Variants in MAD1L1 observed in about 807,000 individuals in gnomAD.
The protein encoded by MAD1L1 is mitotic arrest deficient 1 like 1, also known as mitotic spindle assembly checkpoint protein MAD1.
MAD1L1 carries 95 observed loss-of-function variants against 96.9 expected under a neutral mutation model. The observed-to-expected ratio is 0.98, with a 90% CI of 0.83 to 1.16. The LOEUF is 1.16. Among genes scored for constraint, MAD1L1 ranks in the 50% most tolerant of loss-of-function variants. The pLI, the probability that MAD1L1 is intolerant of heterozygous loss-of-function variation, is 0.00. For synonymous variants in MAD1L1, 473 were observed against 396.6 expected (o/e 1.19, Z -2.29); for missense variants, 1,007 against 954.4 (o/e 1.06, Z -0.73).
At chr7:2,149,120 T>TC in intron 11 of MAD1L1, 32 bp downstream of exon 11, 1 of 1,606,734 alleles carries the variant, frequency 6.2e-7, no homozygotes, top group Non-Finnish European at 8.5e-7. Context: ...AGCAAACGCA[T>TC]CCCCACAAGC....
At chr7:2,075,442 T>C (rs978537291) in intron 11 of MAD1L1, among the ~76,000 whole-genome samples, 1 of 152,180 alleles carries the variant, frequency 6.6e-6, no homozygotes, top group Non-Finnish European at 1.5e-5. Context: ...AATCCCGGCC[T>C]TTCTTCTGAG....
At chr7:2,003,342 T>C (rs938793377) in intron 13 of MAD1L1, among the ~76,000 whole-genome samples, 1 of 151,972 alleles carries the variant, frequency 6.6e-6, no homozygotes, top group African/African-American at 2.4e-5. Flanking sequence ...GGGGGAAGTA[T>C]GTTTGGAGAC....
intron 18 of MAD1L1, among the ~76,000 whole-genome samples, chr7:1,831,980 C>A (rs967172405): frequency 2.0e-5 from 3 of 152,224 alleles, no homozygotes. Context: ...AGCATCCATC[C>A]TGTGGCCCCT....
intron 18 of MAD1L1, among the ~76,000 whole-genome samples, chr7:1,888,282 G>T (rs1347009462): frequency 1.4e-5 from 2 of 139,106 alleles, no homozygotes; most frequent in Non-Finnish European, 3.3e-5. Flanking sequence ...GCCTGTGCAT[G>T]TGTGTGCATG....
intron 10 of MAD1L1, among the ~76,000 whole-genome samples, chr7:2,183,400 T>C (rs1199456418): frequency 6.6e-6 from 1 of 152,056 alleles, no homozygotes; most frequent in Non-Finnish European, 1.5e-5. Flanking sequence ...AGCAAACCAA[T>C]ACAATTTCCC....
chr7:2,101,209 C>A (rs1056836547), intron 11 of MAD1L1, among the ~76,000 whole-genome samples: 1 of 152,248 alleles, frequency 6.6e-6, no homozygotes, highest in Non-Finnish European at 1.5e-5. Flanking sequence ...AAAGAGGATG[C>A]GGGCTTTTGT....
chr7:2,231,889 C>T (rs1190404707), intron 1 of MAD1L1, among the ~76,000 whole-genome samples: 1 of 151,924 alleles, frequency 6.6e-6, no homozygotes, highest in Non-Finnish European at 1.5e-5. Context: ...GGCCAATATC[C>T]CTCAAGTCTT....
intron 14 of MAD1L1, among the ~76,000 whole-genome samples, chr7:1,993,021 T>C (rs1355504042): frequency 6.6e-6 from 1 of 152,224 alleles, no homozygotes; most frequent in Non-Finnish European, 1.5e-5. Context: ...TATACAGAAT[T>C]ACTCCCATAA....
At chr7:2,055,406 C>T (rs1453148064) in intron 12 of MAD1L1, among the ~76,000 whole-genome samples, 1 of 152,058 alleles carries the variant, frequency 6.6e-6, no homozygotes, top group Non-Finnish European at 1.5e-5. Context: ...AGAACTGGCC[C>T]GGAGCAGCAC....
intron 12 of MAD1L1, among the ~76,000 whole-genome samples, chr7:2,065,768 A>G (rs1784851391): frequency 6.6e-6 from 1 of 152,094 alleles, no homozygotes; most frequent in African/African-American, 2.4e-5. Flanking sequence ...GCTCCCCCCA[A>G]GCCTGGGGCC....
intron 18 of MAD1L1, among the ~76,000 whole-genome samples, chr7:1,830,998 C>G (rs1352557655): frequency 2.0e-5 from 3 of 152,288 alleles, no homozygotes. Flanking sequence ...TTTTAAGAAG[C>G]ACATTTTAAC....
chr7:1,859,131 C>G (rs563710418), intron 18 of MAD1L1, among the ~76,000 whole-genome samples: 1 of 152,066 alleles, frequency 6.6e-6, no homozygotes, highest in Non-Finnish European at 1.5e-5. Flanking sequence ...CAACCCCACA[C>G]GCAGGAGGGC....
intron 10 of MAD1L1, among the ~76,000 whole-genome samples, chr7:2,181,141 T>C (rs1383354566): frequency 6.6e-6 from 1 of 152,252 alleles, no homozygotes; most frequent in Non-Finnish European, 1.5e-5. Flanking sequence ...TTTCTCCTTA[T>C]AGTTTCTTTT....
intron 18 of MAD1L1, among the ~76,000 whole-genome samples, chr7:1,882,149 G>A (rs969735708): frequency 6.6e-6 from 1 of 152,176 alleles, no homozygotes; most frequent in African/African-American, 2.4e-5. Context: ...GGCAGCCTTG[G>A]GAGGGCAAAG....
intron 12 of MAD1L1, among the ~76,000 whole-genome samples, chr7:2,030,184 T>C (rs4721324): frequency 0.19 from 29,053 of 152,150 alleles, 5,465 homozygotes; most frequent in African/African-American, 0.48. Context: ...TACAGGTGCA[T>C]GTCCGCTACG....
chr7:1,997,290 T>C (rs888499334), intron 14 of MAD1L1, among the ~76,000 whole-genome samples: 5 of 152,226 alleles, frequency 3.3e-5, no homozygotes, highest in Admixed American at 6.5e-5. Context: ...GGACGGGCAC[T>C]AGGGCCATGT....
chr7:1,933,265 C>T (rs1583833093), intron 17 of MAD1L1, among the ~76,000 whole-genome samples: 1 of 152,184 alleles, frequency 6.6e-6, no homozygotes, highest in Non-Finnish European at 1.5e-5. Context: ...CCGTCTGCCA[C>T]GGTTTTCCCC....
chr7:2,178,513 G>C (rs1192333198), intron 10 of MAD1L1, among the ~76,000 whole-genome samples: 2 of 152,170 alleles, frequency 1.3e-5, no homozygotes, highest in African/African-American at 4.8e-5. Context: ...CAGGATACTG[G>C]GAGGACCTCA....
chr7:1,877,249 C>T (rs1785432421), intron 18 of MAD1L1, among the ~76,000 whole-genome samples: 1 of 152,134 alleles, frequency 6.6e-6, no homozygotes, highest in African/African-American at 2.4e-5. Context: ...TTTACTGGCA[C>T]ACATTTGAGC....
Sources: allele counts gnomAD v4.1 joint callset (sites outside exome capture counted in the v4.1 genomes callset), GRCh38; gene constraint gnomAD v4.1.1; transcripts MANE v1.5; gene names NCBI Gene and HGNC (gene_info 2026-07-23, HGNC 2026-07-21).